Variants in COL21A1 observed in about 807,000 individuals in gnomAD.
COL21A1 encodes the protein collagen alpha-1(XXI) chain.
Under a neutral mutation model 137.9 loss-of-function variants are expected in COL21A1, and 149 were observed. The observed-to-expected ratio is 1.08, with a 90% CI of 0.95 to 1.24. The LOEUF (loss-of-function observed/expected upper bound fraction) is 1.24, where lower values mean the gene tolerates loss of function less well. Ranked by LOEUF, COL21A1 falls within the 50% of genes most tolerant of loss-of-function variation. The pLI is 0.00. For missense variants in COL21A1, 1,167 were observed against 1,158.4 expected (o/e 1.01, Z -0.11); for synonymous variants, 456 against 391.5 (o/e 1.16, Z -1.95).
intron 1 of COL21A1, among the ~76,000 whole-genome samples, chr6:56,279,427 A>G (rs1395564851): frequency 6.6e-6 from 1 of 152,210 alleles, no homozygotes; most frequent in African/African-American, 2.4e-5. Flanking sequence ...GCTGCTAGGC[A>G]TCTTTGCCTG....
At chr6:56,089,453 TA>T (rs1276027948) in intron 17 of COL21A1, among the ~76,000 whole-genome samples, 7 of 152,270 alleles carry the variant, frequency 4.6e-5, no homozygotes, top group African/African-American at 9.6e-5. Context: ...CTTTTTATTT[TA>T]AAAAAATATT....
chr6:56,064,850 C>A (rs1766110487), intron 23 of COL21A1, among the ~76,000 whole-genome samples: 1 of 152,078 alleles, frequency 6.6e-6, no homozygotes. Flanking sequence ...GAACAAATTA[C>A]TGATTTGGGT....
At chr6:56,247,959 C>T (rs1055600288), upstream of COL21A1, among the ~76,000 whole-genome samples, 1 of 152,200 alleles carries the variant, frequency 6.6e-6, no homozygotes, top group Non-Finnish European at 1.5e-5. Context: ...CTCTGGGGCG[C>T]CAAGGTACGT....
At chr6:56,090,557 G>T (rs1768707625) in intron 17 of COL21A1, among the ~76,000 whole-genome samples, 1 of 152,082 alleles carries the variant, frequency 6.6e-6, no homozygotes, top group Non-Finnish European at 1.5e-5. Context: ...TACAGATATT[G>T]CTTACAAATT....
chr6:56,229,044 T>C (rs1469119272), intron 1 of COL21A1, among the ~76,000 whole-genome samples: 2 of 151,750 alleles, frequency 1.3e-5, no homozygotes, highest in Admixed American at 6.6e-5. Context: ...TATGGATATG[T>C]AATTTTTATT....
intron 1 of COL21A1, among the ~76,000 whole-genome samples, chr6:56,215,538 A>C (rs928937874): frequency 3.3e-5 from 5 of 152,082 alleles, no homozygotes; most frequent in Admixed American, 2.6e-4. Context: ...ACTGGTTTTC[A>C]GTTAAAACAT....
At chr6:56,233,293 C>A (rs1253827976) in intron 1 of COL21A1, among the ~76,000 whole-genome samples, 1 of 151,720 alleles carries the variant, frequency 6.6e-6, no homozygotes, top group Middle Eastern at 3.4e-3. Context: ...AAATAGGCAA[C>A]AAATAAGAGT....
At chr6:56,174,641 G>C (rs1327349711) in intron 3 of COL21A1, among the ~76,000 whole-genome samples, 1 of 151,862 alleles carries the variant, frequency 6.6e-6, no homozygotes, top group African/African-American at 2.4e-5. Context: ...CCTATAACTA[G>C]AGATTAAAGG....
At chr6:56,297,430 T>C (rs1452678792) in intron 1 of COL21A1, among the ~76,000 whole-genome samples, 1 of 152,144 alleles carries the variant, frequency 6.6e-6, no homozygotes, top group African/African-American at 2.4e-5. Flanking sequence ...AGTAGTCCTC[T>C]GGACTTACAA....
chr6:56,123,874 A>G (rs1410535235), intron 16 of COL21A1, among the ~76,000 whole-genome samples, 188 bp downstream of exon 16: 2 of 152,258 alleles, frequency 1.3e-5, no homozygotes, highest in Admixed American at 1.3e-4. Context: ...CTGACACCTA[A>G]GAGTCCACAA....
intron 1 of COL21A1, among the ~76,000 whole-genome samples, chr6:56,377,504 G>A (rs1343143494): frequency 6.6e-6 from 1 of 152,140 alleles, no homozygotes; most frequent in Admixed American, 6.5e-5. Context: ...AAACTCAGCT[G>A]ACATTCACCT....
intron 1 of COL21A1, among the ~76,000 whole-genome samples, chr6:56,322,932 T>C (rs984434524): frequency 6.8e-6 from 1 of 146,276 alleles, no homozygotes; most frequent in African/African-American, 2.5e-5. Context: ...AAGTTTTAAA[T>C]TTTCAAGTTT....
intron 10 of COL21A1, among the ~76,000 whole-genome samples, chr6:56,150,610 T>A (rs1775247934): frequency 6.6e-6 from 1 of 150,598 alleles, no homozygotes; most frequent in Non-Finnish European, 1.5e-5. Flanking sequence ...CAGTGACCAA[T>A]CCACTCTTTT....
intron 9 of COL21A1, among the ~76,000 whole-genome samples, chr6:56,161,077 T>C (rs2152264460): frequency 6.6e-6 from 1 of 152,260 alleles, no homozygotes; most frequent in African/African-American, 2.4e-5. Context: ...TAAATGCCCT[T>C]GGCCCTTGAA....
intron 1 of COL21A1, among the ~76,000 whole-genome samples, chr6:56,278,056 T>G (rs1171650734): frequency 6.6e-6 from 1 of 152,234 alleles, no homozygotes; most frequent in East Asian, 1.9e-4. Flanking sequence ...AATCTGGTCT[T>G]TATTTCAAAA....
intron 1 of COL21A1, among the ~76,000 whole-genome samples, chr6:56,233,743 C>A (rs202116113): frequency 2.2e-4 from 32 of 146,014 alleles, no homozygotes; most frequent in African/African-American, 2.5e-4. Flanking sequence ...CTTGAATAGG[C>A]AAAAAAAAAA....
intron 1 of COL21A1, among the ~76,000 whole-genome samples, chr6:56,264,078 A>T (rs988696709): frequency 6.6e-6 from 1 of 152,186 alleles, no homozygotes; most frequent in Non-Finnish European, 1.5e-5. Flanking sequence ...CTTATGATAC[A>T]TAGCACATAA....
Position 56,320,867 on chromosome 6 carries a change from AT to A in COL21A1, c.-39+73103del, listed in dbSNP as rs542027221. On this transcript the variant is annotated intron_variant, in intron 1 of 28. Transcript: ENST00000370819. The stretch of plus-strand genomic sequence containing the variant: ...ATCTTCATCTCACTATATACTTTTG[AT>A]TTTTTTTATGACCAATATGTACTCA... Among the ~76,000 whole-genome samples the A allele has an allele frequency of 2.1e-3, 312 of 151,966 alleles. 1 individual carries two copies. Among genetic ancestry groups the A allele is most frequent in the African/African-American group, 7.1e-3 (294 of 41,428 alleles).
intron 1 of COL21A1, among the ~76,000 whole-genome samples, chr6:56,187,956 C>A (rs979887767): frequency 2.0e-5 from 3 of 152,056 alleles, no homozygotes; most frequent in Admixed American, 6.6e-5. Flanking sequence ...AAAAACAACA[C>A]AATTTTTTTA....
Sources: gnomAD v4.1 joint callset for allele counts (sites outside exome capture counted in the v4.1 genomes callset) on GRCh38, gnomAD v4.1.1 for gene constraint, MANE v1.5 for transcripts, NCBI Gene and HGNC (gene_info 2026-07-23, HGNC 2026-07-21) for gene names.